The following PTPRB variants were observed in gnomAD, a reference collection of about 807,000 sequenced individuals.
The protein encoded by PTPRB is receptor-type tyrosine-protein phosphatase beta.
PTPRB carries 97 observed loss-of-function variants against 238.1 expected under a neutral mutation model. That is an observed-to-expected ratio of 0.41 (90% CI 0.35 to 0.48). PTPRB has a LOEUF of 0.48. Ranked by LOEUF, PTPRB falls within the 20% of genes least tolerant of loss-of-function variation. The pLI is 0.30. For synonymous variants in PTPRB, 970 were observed against 995.4 expected, an observed-to-expected ratio of 0.97 and a Z score of 0.48; for missense variants, 2,292 against 2,681.9, an observed-to-expected ratio of 0.85 and a Z score of 3.21.
rs1555230172 is a variant in PTPRB, at chr12:70,576,662, T to TCGGG, written c.2579-18_2579-17insCCCG. ...TGGAAGGGACTGTGATTTTGAAAGG[T>TCGGG]GGGGGGCGGGGGGGGGGGGGAAGGG... On this transcript the variant is annotated splice_polypyrimidine_tract_variant and intron_variant, in intron 10 of 33. Coordinates refer to ENST00000334414, the MANE Select transcript of PTPRB (RefSeq NM_001109754.4). The TCGGG allele has an allele frequency of 6.6e-5, 1 of 15,194 alleles. No homozygotes were observed. The highest frequency in any genetic ancestry group is 3.3e-4 in the African/African-American group (1 of 3,076). The allele number at this position is 15,194 out of a possible 1,614,324, so 0.9% of individuals were successfully genotyped here.
chr12:70,562,775 C>A (rs1318471734), intron 16 of PTPRB, 69 bp downstream of exon 16: 3 of 1,550,806 alleles, frequency 1.9e-6, no homozygotes, highest in East Asian at 2.3e-5. Flanking sequence ...TAAGGACCAA[C>A]CAAGGAAAAG....
chr12:70,598,271 T>C (rs1276858564), intron 4 of PTPRB, among the ~76,000 whole-genome samples: 1 of 152,196 alleles, frequency 6.6e-6, no homozygotes, highest in Non-Finnish European at 1.5e-5. Flanking sequence ...ATCTTTTTAG[T>C]AGAATTGTTA....
At chr12:70,548,205 G>A (rs906682070) in intron 21 of PTPRB, among the ~76,000 whole-genome samples, 2 of 152,096 alleles carry the variant, frequency 1.3e-5, no homozygotes, top group Non-Finnish European at 2.9e-5. Flanking sequence ...ATGCGTGCCT[G>A]TAGTCCCAGC....
chr12:70,541,565 A>T (rs2136259493), intron 22 of PTPRB: 1 of 152,340 alleles, frequency 6.6e-6, no homozygotes, highest in Non-Finnish European at 1.5e-5. Context: ...ATCAATTTTA[A>T]AACATTTTCA....
chr12:70,531,948 C>T (rs1250675738), intron 32 of PTPRB, 87 bp downstream of exon 32: 7 of 1,470,038 alleles, frequency 4.8e-6, no homozygotes, highest in Non-Finnish European at 6.6e-6. Context: ...AGTTATTTCC[C>T]CTTGTCAGAT....
intron 16 of PTPRB, among the ~76,000 whole-genome samples, chr12:70,562,558 C>T (rs1592481648): frequency 2.0e-5 from 3 of 152,168 alleles, no homozygotes; most frequent in Admixed American, 2.0e-4. Flanking sequence ...GGGTTACAGC[C>T]CTCTTGTACA....
intron 10 of PTPRB, among the ~76,000 whole-genome samples, chr12:70,579,162 ACTCCT>A (rs1881102340): frequency 6.6e-6 from 1 of 151,830 alleles, no homozygotes; most frequent in African/African-American, 2.4e-5. Flanking sequence ...GTCGTCCTCC[ACTCCT>A]CTCCTCAGCT....
At chr12:70,576,684 AGGGGGATTC>A (rs1880809177) in intron 10 of PTPRB, 39 bp from the exon 11 acceptor site, 1 of 29,862 alleles carries the variant, frequency 3.3e-5, no homozygotes, top group African/African-American at 1.8e-4. Context: ...GGGGGGGGGA[AGGGGGATTC>A]AAAAAGAAAG....
chr12:70,597,690 T>C (rs1487898905), intron 4 of PTPRB, among the ~76,000 whole-genome samples: 1 of 152,226 alleles, frequency 6.6e-6, no homozygotes, highest in Non-Finnish European at 1.5e-5. Context: ...TGGTAGACTA[T>C]ATTGTGTTCA....
intron 18 of PTPRB, 34 bp downstream of exon 18, chr12:70,559,309 A>T (rs544060201): frequency 1.3e-6 from 2 of 1,567,960 alleles, no homozygotes; most frequent in Admixed American, 3.3e-5. Context: ...CCTCTACTCC[A>T]TTTGAGAAAT....
At chr12:70,524,895 GTATATATGTGTATA>G (rs906348397) in intron 32 of PTPRB, among the ~76,000 whole-genome samples, 34 of 150,622 alleles carry the variant, frequency 2.3e-4, no homozygotes, top group East Asian at 1.4e-3. Flanking sequence ...GTATATATGT[GTATATATGTGTATA>G]TATGTATGTA....
chr12:70,550,126 C>T (rs529949824), intron 21 of PTPRB, among the ~76,000 whole-genome samples: 2 of 152,148 alleles, frequency 1.3e-5, no homozygotes, highest in Non-Finnish European at 2.9e-5. Context: ...GTGATGGGGA[C>T]GTGGACATGG....
At chr12:70,548,382 ACACG>A (rs1462550391) in intron 21 of PTPRB, among the ~76,000 whole-genome samples, 4 of 137,302 alleles carry the variant, frequency 2.9e-5, no homozygotes, top group South Asian at 2.4e-4. Context: ...ACACACACAC[ACACG>A]CCATGACTTT....
intron 3 of PTPRB, among the ~76,000 whole-genome samples, chr12:70,612,140 T>C (rs1434393907): frequency 6.6e-6 from 1 of 152,186 alleles, no homozygotes; most frequent in Admixed American, 6.5e-5. Context: ...TAAACTACCT[T>C]TGCAAACTTT....
chr12:70,622,425 A>G lies in PTPRB; in HGVS notation c.673T>C (p.Ser225Pro), dbSNP rs1318953861. Reference protein sequence around the residue: ...TGITDTSWVLSTTQPFSSTTE... With the variant: ...TGITDTSWVLPTTQPFSSTTE... ...GTGCTGGAGAAGGGCTGAGTAGTCG[A>G]CAAAACCCATGATGTGTCTGTAATT... The change falls in exon 3 of 34, where the codon TCG becomes CCG. Residue 225 changes from serine (S) to proline (P), a missense_variant. Around this residue, in one of 4 missense-constraint regions of PTPRB, gnomAD observed 1,205 missense variants for 1,287.8 expected, o/e 0.94. Coordinates refer to ENST00000334414, the MANE Select transcript of PTPRB (RefSeq NM_001109754.4). 6.2e-7 allele frequency: 1 copy of G among 1,612,516 alleles called. No homozygotes were observed. Among genetic ancestry groups the G allele is most frequent in the Non-Finnish European group, 8.5e-7 (1 of 1,179,612 alleles).
In PTPRB at chr12:70,577,382, C is replaced by T. The variant is rs568526460; in HGVS notation, c.2579-737G>A. Among the ~76,000 whole-genome samples, 3 of 152,238 alleles carry T rather than the reference C, an allele frequency of 2.0e-5. No homozygotes were observed. The South Asian group carries it at 6.2e-4, about 32-fold the overall frequency. ...TAGTGTCACAAACGTTTACTGAGAA[C>T]CTACTATTTGCCAGGTATACAAAAA... On this transcript the variant is annotated intron_variant, in intron 10 of 33. Coordinates refer to ENST00000334414, the MANE Select transcript of PTPRB (RefSeq NM_001109754.4).
At position 70,612,585 on chromosome 12, in the gene PTPRB, T is replaced by C. The variant is rs189564891; in HGVS notation, c.709-3246A>G. Reference sequence around the variant, plus strand: ...CATTTCAGGGGACAAGCTTTCTTCCTTGCCACCAGGAAACCTTTCCCAGAC... The same window carrying C: ...CATTTCAGGGGACAAGCTTTCTTCCCTGCCACCAGGAAACCTTTCCCAGAC... On this transcript the variant is annotated intron_variant, in intron 3 of 33. Transcript: ENST00000334414. Among the ~76,000 whole-genome samples, 1,169 of 152,196 alleles carry C rather than the reference T, an allele frequency of 7.7e-3. 8 individuals carry two copies. Among genetic ancestry groups the C allele is most frequent in the African/African-American group, 0.026 (1,093 of 41,528 alleles).
chr12:70,621,158 T>C (rs1343290905), intron 3 of PTPRB, among the ~76,000 whole-genome samples: 1 of 152,178 alleles, frequency 6.6e-6, no homozygotes, highest in Non-Finnish European at 1.5e-5. Flanking sequence ...TTGCTTCCAT[T>C]TCCTGTCTTC....
rs761196845 is a variant in PTPRB, at chr12:70,560,678, G to A, written c.4425C>T (p.Ser1475=). 6.2e-7 allele frequency: 1 copy of A among 1,612,558 alleles called. No individual in the cohort carries two copies. Among genetic ancestry groups the A allele is most frequent in the Non-Finnish European group, 8.5e-7 (1 of 1,179,492 alleles). Residue 1475 remains serine (S), a synonymous_variant, in exon 17 of 34, where the codon AGC becomes AGT. Transcript: ENST00000334414. This position sits in a 1 kb window ranked among gnomAD's most constrained non-coding sequence, Gnocchi z 4.2. The part of the protein sequence containing the change: ...GDLSNKVTAE[S]RTAPSPPSLM... The stretch of plus-strand genomic sequence containing the variant: ...GGCACCTGGGCTTCTCACCTGTTCT[G>A]CTCTCCGCTGTGACTTTATTGCTGA...
Sources: gnomAD v4.1 joint callset for allele counts (sites outside exome capture counted in the v4.1 genomes callset) on GRCh38, gnomAD v4.1.1 for gene constraint, gnomAD v4.1.1 regional missense constraint, Gnocchi (gnomAD v3.1) non-coding constraint, MANE v1.5 for transcripts, NCBI Gene and HGNC (gene_info 2026-07-23, HGNC 2026-07-21) for gene names.